The following MACF1 variants were observed in gnomAD, a reference collection of about 807,000 sequenced individuals.
MACF1 encodes the protein microtubule-actin cross-linking factor 1.
A neutral mutation model predicts 854.8 loss-of-function variants in MACF1; 193 were observed. The observed-to-expected ratio is 0.23, with a 90% CI of 0.20 to 0.25. The LOEUF is 0.25. Ranked by LOEUF, MACF1 falls within the 10% of genes least tolerant of loss-of-function variation. The pLI, the probability that MACF1 is intolerant of heterozygous loss-of-function variation, is 1.00. For missense variants in MACF1, 7,722 were observed against 8,929.1 expected (o/e 0.86, Z 5.45); for synonymous variants, 3,185 against 3,226.7 (o/e 0.99, Z 0.44).
intron 88 of MACF1, 93 bp from the exon 89 acceptor site, chr1:39,454,813 TAAA>T: frequency 9.1e-7 from 1 of 1,102,480 alleles, no homozygotes; most frequent in Non-Finnish European, 1.3e-6. Flanking sequence ...AAAAATAAAA[TAAA>T]AAGCCATTAT....
chr1:39,178,537 C>A (rs935859983), intron 2 of MACF1, among the ~76,000 whole-genome samples: 1 of 152,182 alleles, frequency 6.6e-6, no homozygotes, highest in Non-Finnish European at 1.5e-5. Flanking sequence ...CTGGATTCAG[C>A]AACGTTCTTT....
At chr1:39,099,415 C>T (rs960862048) in intron 2 of MACF1, among the ~76,000 whole-genome samples, 7 of 152,312 alleles carry the variant, frequency 4.6e-5, no homozygotes, top group African/African-American at 1.7e-4. Flanking sequence ...CCCTGGCCTC[C>T]CAAAGTGCTG....
intron 7 of MACF1, among the ~76,000 whole-genome samples, chr1:39,282,938 A>G (rs74066730): frequency 0.016 from 2,504 of 152,322 alleles, 68 homozygotes; most frequent in African/African-American, 0.055. Flanking sequence ...CCCAATTTTC[A>G]GTTCTAACCG....
chr1:39,386,183 G>C (rs1641767533), intron 57 of MACF1, among the ~76,000 whole-genome samples: 1 of 151,200 alleles, frequency 6.6e-6, no homozygotes, highest in Admixed American at 6.6e-5. Context: ...TCAGCAAGTA[G>C]AGATTCATCC....
At chr1:39,087,765 G>C (rs1641709937) in intron 2 of MACF1, among the ~76,000 whole-genome samples, 1 of 151,984 alleles carries the variant, frequency 6.6e-6, no homozygotes, top group Admixed American at 6.6e-5. Flanking sequence ...CTAACTCCAA[G>C]TACATTGCTA....
chr1:39,171,602 A>AT (rs1359096091), intron 2 of MACF1, among the ~76,000 whole-genome samples: 3 of 152,172 alleles, frequency 2.0e-5, no homozygotes, highest in South Asian at 4.1e-4. Context: ...CATTATAAGG[A>AT]TTTTTTAAGT....
At chr1:39,379,665 C>T (rs1253914277) in intron 54 of MACF1, among the ~76,000 whole-genome samples, 1 of 152,164 alleles carries the variant, frequency 6.6e-6, no homozygotes, top group Non-Finnish European at 1.5e-5. Context: ...GAAACAAAAC[C>T]AGGTATGTTT....
chr1:39,101,350 C>CT (rs1248448905), intron 2 of MACF1, among the ~76,000 whole-genome samples: 5 of 85,294 alleles, frequency 5.9e-5, no homozygotes, highest in Non-Finnish European at 1.2e-4. Context: ...GAGCCAGACT[C>CT]TGTCTCAAAA....
At chr1:39,447,390 C>T (rs376005301) in intron 80 of MACF1, 42 bp from the exon 81 acceptor site, 36 of 1,595,508 alleles carry the variant, frequency 2.3e-5, no homozygotes, top group African/African-American at 9.5e-5. Flanking sequence ...CTGAAATTGG[C>T]GCTTTTTCTT....
chr1:39,393,675 G>A (rs1311142437), intron 58 of MACF1, among the ~76,000 whole-genome samples: 3 of 151,942 alleles, frequency 2.0e-5, no homozygotes, highest in Non-Finnish European at 2.9e-5. Context: ...TAGGCATGAC[G>A]GCACATGCTG....
At chr1:39,315,983 G>T (rs537459193) in intron 27 of MACF1, among the ~76,000 whole-genome samples, 1 of 152,282 alleles carries the variant, frequency 6.6e-6, no homozygotes, top group South Asian at 2.1e-4. Flanking sequence ...ATGGCATAAA[G>T]ACAAAGGAAG....
intron 2 of MACF1, among the ~76,000 whole-genome samples, chr1:39,171,202 T>TG (rs1491005598): frequency 8.3e-5 from 9 of 109,090 alleles, no homozygotes; most frequent in South Asian, 3.9e-4. Flanking sequence ...AATCTTTCTG[T>TG]TTGTGTGTGT....
Position 39,447,441 on chromosome 1 carries a change from G to C in MACF1, c.19615G>C (p.Glu6539Gln), listed in dbSNP as rs1450494085. ...TTTACTTGAAATTCAGTCAAAGCTG[G>C]AAGAGGCCCTCAACTTGGCAACAGA... ...SKMEERKSKL[E>Q]EALNLATEFQ... The change falls in exon 81 of 101, where the codon GAA becomes CAA. Residue 6539 changes from glutamate (E) to glutamine (Q), a missense_variant. Coordinates refer to ENST00000564288, the MANE Select transcript of MACF1 (RefSeq NM_001394062.1). 4 of 1,614,000 alleles carry C rather than the reference G, an allele frequency of 2.5e-6. No individual in the cohort carries two copies. The highest frequency in any genetic ancestry group is 3.4e-6 in the Non-Finnish European group (4 of 1,179,974).
At chr1:39,318,257 T>G (rs1318180663) in intron 29 of MACF1, among the ~76,000 whole-genome samples, 196 bp from the exon 30 acceptor site, 2 of 152,186 alleles carry the variant, frequency 1.3e-5, no homozygotes, top group Non-Finnish European at 2.9e-5. Context: ...AACTGGTTTC[T>G]ACTCACTTTT....
Position 39,287,431 on chromosome 1 carries a change from A to T in MACF1, c.1654A>T (p.Thr552Ser). ...HLKAEPLTKATHSSSTSWFRK... is the reference protein window; with the variant it reads ...HLKAEPLTKASHSSSTSWFRK... The stretch of plus-strand genomic sequence containing the variant: ...GAAAGCAGAACCCTTAACCAAGGCA[A>T]CCCATTCTTCTTCTACCTCCTGGTT... The change falls in exon 15 of 101, where the codon ACC becomes TCC. Residue 552 changes from threonine (T) to serine (S), a missense_variant. This residue lies in a region of MACF1 where 1,137 missense variants were observed against 1,263.0 expected (regional missense o/e 0.90). Coordinates refer to ENST00000564288, the MANE Select transcript of MACF1 (RefSeq NM_001394062.1). The T allele has an allele frequency of 6.2e-6, 10 of 1,613,982 alleles. No individual in the cohort carries two copies. The highest frequency in any genetic ancestry group is 8.5e-6 in the Non-Finnish European group (10 of 1,179,974).
In MACF1 at chr1:39,176,025, T is replaced by G. The variant is rs1181491859; in HGVS notation, c.221-55157T>G. On this transcript the variant is annotated intron_variant, in intron 2 of 93. Coordinates refer to the MACF1 transcript ENST00000361689. ...CTCGGGAGGCTGAGGCAGGAGAATG[T>G]CATGAACCCGGGAGGCGGAGCTTGC... Among the ~76,000 whole-genome samples the G allele has an allele frequency of 2.8e-5, 4 of 144,464 alleles. No homozygotes were observed. The East Asian group carries it at 8.1e-4, about 29-fold the overall frequency. The allele number at this position is 144,464 out of a possible 152,430, so 94.8% of individuals were successfully genotyped here.
intron 50 of MACF1, among the ~76,000 whole-genome samples, chr1:39,368,564 C>T (rs1199535590): frequency 2.6e-5 from 4 of 151,892 alleles, no homozygotes; most frequent in Admixed American, 2.6e-4. Context: ...TGCAGTGGTG[C>T]CATCTTGGCT....
At chr1:39,393,190 A>ATATATATATAT (rs1427429683) in intron 58 of MACF1, among the ~76,000 whole-genome samples, 173 of 86,472 alleles carry the variant, frequency 2.0e-3, no homozygotes, top group African/African-American at 0.01. Flanking sequence ...GTAAAAAAAA[A>ATATATATATAT]AAAAAAATAT....
chr1:39,237,724 T>C (rs1296364401), intron 2 of MACF1, among the ~76,000 whole-genome samples: 1 of 151,994 alleles, frequency 6.6e-6, no homozygotes, highest in Admixed American at 6.6e-5. Flanking sequence ...GATTCTTTTT[T>C]TTTTTTTAGA....
Sources: allele counts gnomAD v4.1 joint callset (sites outside exome capture counted in the v4.1 genomes callset), GRCh38; gene constraint gnomAD v4.1.1; regional missense constraint gnomAD v4.1.1; transcripts MANE v1.5; gene names NCBI Gene and HGNC (gene_info 2026-07-23, HGNC 2026-07-21).